The following PKIA variants were observed in gnomAD, a reference collection of about 807,000 sequenced individuals.
PKIA encodes PKI-alpha.
In PKIA, 4 loss-of-function variants were observed where a neutral mutation model predicts 7.6. The ratio of observed to expected loss-of-function variants is 0.52; its 90% CI spans 0.26 to 1.20. PKIA has a LOEUF of 1.20. Among genes scored for constraint, PKIA ranks in the 50% most tolerant of loss-of-function variants. PKIA has a pLI of 0.13. For synonymous variants in PKIA, 21 were observed against 30.7 expected (o/e 0.68, Z 1.04); for missense variants, 73 against 86.2 (o/e 0.85, Z 0.61).
chr8:78,568,656 C>A (rs557486172), intron 1 of PKIA, among the ~76,000 whole-genome samples: 52 of 152,156 alleles, frequency 3.4e-4, no homozygotes, highest in Non-Finnish European at 6.3e-4. Flanking sequence ...ATAGCTCAGA[C>A]AGGGCACCAC....
chr8:78,588,917 A>G (rs1438874271), intron 2 of PKIA, among the ~76,000 whole-genome samples: 1 of 152,080 alleles, frequency 6.6e-6, no homozygotes, highest in Admixed American at 6.5e-5. Flanking sequence ...AAAGGAAAAA[A>G]AAAAAGAAAA....
intron 1 of PKIA, among the ~76,000 whole-genome samples, chr8:78,520,328 G>C (rs1249804394): frequency 2.0e-5 from 3 of 152,046 alleles, no homozygotes; most frequent in African/African-American, 4.8e-5. Context: ...GTCCTTAAAT[G>C]GATACTAAAA....
intron 1 of PKIA, among the ~76,000 whole-genome samples, chr8:78,567,413 T>C (rs1807441134): frequency 6.6e-6 from 1 of 152,158 alleles, no homozygotes; most frequent in Non-Finnish European, 1.5e-5. Flanking sequence ...TTGACAATTT[T>C]GGATAATACT....
rs1807585903 is a variant in PKIA, at chr8:78,572,852, G to A, written c.-115G>A. ...GAAGCCCTGGTTTCCCCAAAGAAGT[G>A]ATTTCTGATAGAAATCTGAAGGTCA... On this transcript the variant is annotated 5_prime_UTR_variant, in exon 2 of 4. Coordinates refer to ENST00000396418, the MANE Select transcript of PKIA (RefSeq NM_006823.4). 6.6e-6 allele frequency: 1 copy of A among 151,796 alleles called. No homozygotes were observed. The highest frequency in any genetic ancestry group is 1.5e-5 in the Non-Finnish European group (1 of 67,962). 9.4% of individuals were successfully genotyped at this position (151,796 alleles called of 1,614,324 possible). A position where few individuals can be genotyped will look rare whatever the true frequency, so the allele number is the denominator to read the frequency against.
chr8:78,549,708 T>C (rs1338424507), intron 1 of PKIA, among the ~76,000 whole-genome samples: 2 of 142,020 alleles, frequency 1.4e-5, no homozygotes, highest in African/African-American at 5.6e-5. Context: ...TTCTGAACCC[T>C]TGAAATCACT....
chr8:78,532,903 A>G lies in PKIA; in HGVS notation c.-157+16435A>G, dbSNP rs111381436. Among the ~76,000 whole-genome samples, 142 of 152,188 alleles carry G rather than the reference A, an allele frequency of 9.3e-4. 2 individuals carry two copies. The highest frequency in any genetic ancestry group is 6.8e-3 in the Middle Eastern group (2 of 294). Reference sequence around the variant, plus strand: ...GCACTCCTGGGTGACAGAGCAACAGAGCGACTCTGTCTCAGAAAAAATAAA... The same window carrying G: ...GCACTCCTGGGTGACAGAGCAACAGGGCGACTCTGTCTCAGAAAAAATAAA... On this transcript the variant is annotated intron_variant, in intron 1 of 3. Coordinates refer to ENST00000396418, the MANE Select transcript of PKIA (RefSeq NM_006823.4).
intron 1 of PKIA, among the ~76,000 whole-genome samples, chr8:78,569,229 G>A (rs1198790554): frequency 1.3e-5 from 2 of 152,082 alleles, no homozygotes; most frequent in Non-Finnish European, 2.9e-5. Context: ...ATAGAATTAA[G>A]GTAGTGTAAA....
chr8:78,549,441 A>G (rs192999859), intron 1 of PKIA, among the ~76,000 whole-genome samples: 2 of 152,188 alleles, frequency 1.3e-5, no homozygotes, highest in African/African-American at 2.4e-5. Flanking sequence ...TTTTACAGCA[A>G]TCTTTAGAAA....
chr8:78,528,908 TTG>T (rs1449276718), intron 1 of PKIA, among the ~76,000 whole-genome samples: 1 of 152,100 alleles, frequency 6.6e-6, no homozygotes, highest in Non-Finnish European at 1.5e-5. Context: ...CATATAAACT[TTG>T]TATTAATTTT....
At chr8:78,581,241 C>T in intron 2 of PKIA, among the ~76,000 whole-genome samples, 1 of 151,954 alleles carries the variant, frequency 6.6e-6, no homozygotes. Flanking sequence ...GAAAGGATTT[C>T]CCCTGGGCAA....
Position 78,572,541 on chromosome 8 carries a change from G to GCACACACACACACA in PKIA, c.-156-251_-156-238dup, listed in dbSNP as rs1554582465. ...CACCCCATCACAAAAAAAGCTGCAC[G>GCACACACACACACA]CACACACACACACACACACACACAC... On this transcript the variant is annotated intron_variant, in intron 1 of 3. Transcript: ENST00000396418. Among the ~76,000 whole-genome samples, 30 of 98,446 alleles carry GCACACACACACACA rather than the reference G, an allele frequency of 3.0e-4. 1 individual carries two copies. Among genetic ancestry groups the GCACACACACACACA allele is most frequent in the African/African-American group, 1.1e-3 (28 of 24,682 alleles). 64.6% of individuals were successfully genotyped at this position (98,446 alleles called of 152,430 possible).
In PKIA at chr8:78,602,917, A is replaced by C. The variant is rs1808386899; in HGVS notation, c.*1096A>C. On this transcript the variant is annotated 3_prime_UTR_variant, in exon 4 of 4. Coordinates refer to ENST00000396418, the MANE Select transcript of PKIA (RefSeq NM_006823.4). ...CCTTGCAATCATGTGGACACCAATC[A>C]CAAAAGTAAAGCCCTGGTGTTGTGT... The C allele has an allele frequency of 6.6e-6, 1 of 152,362 alleles. No individual in the cohort carries two copies. The highest frequency in any genetic ancestry group is 1.5e-5 in the Non-Finnish European group (1 of 67,932). The allele number at this position is 152,362 out of a possible 1,614,324, so 9.4% of individuals were successfully genotyped here. A position where few individuals can be genotyped will look rare whatever the true frequency, so the allele number is the denominator to read the frequency against.
chr8:78,601,367 G>T (rs1476190715), intron 3 of PKIA, among the ~76,000 whole-genome samples: 2 of 152,118 alleles, frequency 1.3e-5, no homozygotes, highest in South Asian at 4.1e-4. Flanking sequence ...AGGTAAACAT[G>T]CTCCCACTTC....
At chr8:78,538,343 A>G (rs1481782725) in intron 1 of PKIA, among the ~76,000 whole-genome samples, 1 of 152,096 alleles carries the variant, frequency 6.6e-6, no homozygotes, top group Non-Finnish European at 1.5e-5. Flanking sequence ...AAACTTCTAT[A>G]GTTATCCTGG....
At chr8:78,552,446 T>C (rs1807008660) in intron 1 of PKIA, among the ~76,000 whole-genome samples, 1 of 151,862 alleles carries the variant, frequency 6.6e-6, no homozygotes, top group South Asian at 2.1e-4. Flanking sequence ...TCATTTATGC[T>C]CCCGTGAGTC....
intron 1 of PKIA, among the ~76,000 whole-genome samples, chr8:78,551,762 T>TG (rs1441325512): frequency 1.3e-5 from 2 of 151,980 alleles, no homozygotes; most frequent in African/African-American, 4.8e-5. Context: ...CTGGTTTGGA[T>TG]GGTCATTGAG....
At chr8:78,517,822 G>A (rs1322608868) in intron 1 of PKIA, among the ~76,000 whole-genome samples, 1 of 152,178 alleles carries the variant, frequency 6.6e-6, no homozygotes, top group Non-Finnish European at 1.5e-5. Context: ...TTCACCAACA[G>A]AGAACAGTTG....
At chr8:78,540,081 T>TA (rs561328503) in intron 1 of PKIA, among the ~76,000 whole-genome samples, 4,884 of 128,986 alleles carry the variant, frequency 0.038, 104 homozygotes, top group Non-Finnish European at 0.051. Context: ...AGAAATGAAG[T>TA]AAAAAAAAAA....
intron 1 of PKIA, among the ~76,000 whole-genome samples, chr8:78,546,075 A>T (rs982667326): frequency 6.6e-6 from 1 of 152,222 alleles, no homozygotes; most frequent in Non-Finnish European, 1.5e-5. Context: ...GGCTATCTTC[A>T]TACAATGAAG....
Sources: allele counts gnomAD v4.1 joint callset (sites outside exome capture counted in the v4.1 genomes callset), GRCh38; gene constraint gnomAD v4.1.1; transcripts MANE v1.5; gene names NCBI Gene and HGNC (gene_info 2026-07-23, HGNC 2026-07-21).